EVA1C: variants seen among roughly 807,000 people sequenced by gnomAD.
The protein encoded by EVA1C is eva-1 homolog C, also known as protein eva-1 homolog C.
Under a neutral mutation model 45.4 loss-of-function variants are expected in EVA1C, and 25 were observed. The observed-to-expected ratio is 0.55, with a 90% CI of 0.40 to 0.77. The LOEUF (loss-of-function observed/expected upper bound fraction) is 0.77. Ranked by LOEUF, EVA1C falls within the 30% of genes least tolerant of loss-of-function variation. The pLI, the probability that EVA1C is intolerant of heterozygous loss-of-function variation, is 0.00. For missense variants in EVA1C, 479 were observed against 554.8 expected (o/e 0.86, Z 1.37); for synonymous variants, 190 against 221.2 (o/e 0.86, Z 1.25).
At chr21:32,423,255 A>G (rs1238959019) in intron 1 of EVA1C, among the ~76,000 whole-genome samples, 1 of 152,076 alleles carries the variant, frequency 6.6e-6, no homozygotes, top group Non-Finnish European at 1.5e-5. Flanking sequence ...TTCTTGACCC[A>G]CTTGAGCTCT....
rs1385271476 is a variant in EVA1C, at chr21:32,470,903, C to T, written c.634+3055C>T. On this transcript the variant is annotated intron_variant, in intron 4 of 7. Transcript: ENST00000300255. ...CCTCAGGAGTAGCTGGGATTACAGG[C>T]GCCCGCCACCATGCCTGGCTGATTT... Among the ~76,000 whole-genome samples the T allele has an allele frequency of 2.4e-3, 357 of 151,400 alleles. 2 individuals are homozygous for T. Among genetic ancestry groups the T allele is most frequent in the Non-Finnish European group, 4.0e-3 (272 of 67,644 alleles).
chr21:32,483,902 A>C (rs904890549), intron 4 of EVA1C, among the ~76,000 whole-genome samples: 1 of 152,074 alleles, frequency 6.6e-6, no homozygotes, highest in African/African-American at 2.4e-5. Context: ...GTATGGCCGT[A>C]GACGTCCTTC....
chr21:32,457,860 GT>G, intron 3 of EVA1C, 140 bp downstream of exon 3: 1 of 896,534 alleles, frequency 1.1e-6, no homozygotes, highest in Non-Finnish European at 1.7e-6. Context: ...ATCCTACCCA[GT>G]TTTTTAGAGA....
At chr21:32,493,758 G>A (rs369476988) in intron 4 of EVA1C, 1 of 150,988 alleles carries the variant, frequency 6.6e-6, no homozygotes, top group East Asian at 1.9e-4. Context: ...TGGGTAAAAA[G>A]CAAGGTAGGC....
Position 32,428,950 on chromosome 21 carries a change from T to G in EVA1C, c.160+15937T>G, listed in dbSNP as rs371045260. On this transcript the variant is annotated intron_variant, in intron 1 of 7. Transcript: ENST00000300255. ...CTGAGAACCACAGGGGAATTCTCAC[T>G]GCAGGGCATTCAGGGTCCAAGGCTG... Among the ~76,000 whole-genome samples, 18 of 152,352 alleles carry G rather than the reference T, an allele frequency of 1.2e-4. No homozygotes were observed. In the East Asian group the frequency reaches 2.5e-3, roughly 21 times the overall value.
At chr21:32,476,630 A>C (rs1456663799) in intron 4 of EVA1C, among the ~76,000 whole-genome samples, 1 of 152,006 alleles carries the variant, frequency 6.6e-6, no homozygotes, top group Non-Finnish European at 1.5e-5. Flanking sequence ...AACAAGAGTG[A>C]AACTCCGTCT....
At chr21:32,423,844 G>A (rs1356161140) in intron 1 of EVA1C, among the ~76,000 whole-genome samples, 6 of 152,244 alleles carry the variant, frequency 3.9e-5, no homozygotes, top group South Asian at 2.1e-4. Context: ...CTCAGGCCAC[G>A]GAGTCTGAAA....
intron 4 of EVA1C, among the ~76,000 whole-genome samples, chr21:32,476,407 C>T (rs754150301): frequency 2.6e-5 from 4 of 151,978 alleles, no homozygotes; most frequent in South Asian, 2.1e-4. Context: ...TTTGGGAGGC[C>T]GAGGCAGGTG....
At chr21:32,422,213 A>T (rs1406303182) in intron 1 of EVA1C, among the ~76,000 whole-genome samples, 2 of 152,174 alleles carry the variant, frequency 1.3e-5, no homozygotes, top group Non-Finnish European at 2.9e-5. Context: ...CCTGATGGGT[A>T]GGTTGAAGAG....
chr21:32,468,613 G>A (rs1005199166), intron 4 of EVA1C, among the ~76,000 whole-genome samples: 19 of 152,054 alleles, frequency 1.2e-4, no homozygotes, highest in African/African-American at 4.3e-4. Flanking sequence ...CAAAACTGAA[G>A]AACTTGGAGT....
chr21:32,476,143 C>CTT (rs566574081), intron 4 of EVA1C, among the ~76,000 whole-genome samples: 1 of 148,888 alleles, frequency 6.7e-6, no homozygotes, highest in Non-Finnish European at 1.5e-5. Flanking sequence ...GCTTTTGCCT[C>CTT]TTTTTTTTTT....
At chr21:32,458,886 G>A (rs1007248948) in intron 3 of EVA1C, among the ~76,000 whole-genome samples, 11 of 152,152 alleles carry the variant, frequency 7.2e-5, no homozygotes, top group African/African-American at 2.4e-4. Context: ...AGACCCTGGT[G>A]GCCTAGGTGC....
intron 4 of EVA1C, among the ~76,000 whole-genome samples, chr21:32,491,307 A>G (rs944272274): frequency 1.3e-5 from 2 of 152,118 alleles, no homozygotes; most frequent in Non-Finnish European, 2.9e-5. Context: ...GGCAAGTCAT[A>G]TGGGGCCTTG....
intron 1 of EVA1C, among the ~76,000 whole-genome samples, chr21:32,445,760 T>C (rs375410893): frequency 1.5e-4 from 23 of 152,178 alleles, no homozygotes; most frequent in African/African-American, 5.3e-4. Flanking sequence ...CTAAGAACTT[T>C]GGTCTAAGCT....
chr21:32,514,775 G>A, intron 7 of EVA1C, 39 bp from the exon 8 acceptor site: 1 of 1,501,668 alleles, frequency 6.7e-7, no homozygotes, highest in South Asian at 1.4e-5. Context: ...GAGTCTGCCA[G>A]CTCCTCCCAG....
At chr21:32,476,618 A>C (rs975173602) in intron 4 of EVA1C, among the ~76,000 whole-genome samples, 1 of 151,996 alleles carries the variant, frequency 6.6e-6, no homozygotes, top group African/African-American at 2.4e-5. Flanking sequence ...TCCAGCCTGG[A>C]CAACAAGAGT....
intron 1 of EVA1C, among the ~76,000 whole-genome samples, chr21:32,430,037 G>A (rs2034638290): frequency 6.6e-6 from 1 of 152,144 alleles, no homozygotes; most frequent in Non-Finnish European, 1.5e-5. Context: ...ACTCTGGGCA[G>A]TACAGCTTTA....
At chr21:32,417,410 T>C (rs2034091593) in intron 1 of EVA1C, among the ~76,000 whole-genome samples, 1 of 152,234 alleles carries the variant, frequency 6.6e-6, no homozygotes, top group Admixed American at 6.5e-5. Flanking sequence ...GTCTGTGTCC[T>C]AACCTCCTCT....
intron 5 of EVA1C, among the ~76,000 whole-genome samples, chr21:32,497,533 AT>A (rs1477349753): frequency 1.3e-5 from 2 of 152,104 alleles, no homozygotes; most frequent in African/African-American, 4.8e-5. Context: ...ATCATGATGT[AT>A]TTTTTTATTC....
Sources: allele counts gnomAD v4.1 joint callset (sites outside exome capture counted in the v4.1 genomes callset), GRCh38; gene constraint gnomAD v4.1.1; transcripts MANE v1.5; gene names NCBI Gene and HGNC (gene_info 2026-07-23, HGNC 2026-07-21).